QSER1: variants seen among roughly 807,000 people sequenced by gnomAD.
QSER1 encodes the protein glutamine and serine rich 1, also known as glutamine and serine-rich protein 1.
A neutral mutation model predicts 158.5 loss-of-function variants in QSER1; 49 were observed. That is an observed-to-expected ratio of 0.31 (90% CI 0.25 to 0.39). The LOEUF is 0.39. Ranked by LOEUF, QSER1 falls within the 10% of genes least tolerant of loss-of-function variation. QSER1 has a pLI of 1.00. For synonymous variants in QSER1, 650 were observed against 715.5 expected (o/e 0.91, Z 1.46); for missense variants, 1,754 against 2,010.3 (o/e 0.87, Z 2.44).
At position 32,932,327 on chromosome 11, in the gene QSER1, A is replaced by T. The variant is rs765919443; in HGVS notation, c.1069A>T (p.Thr357Ser). The change falls in exon 4 of 13, where the codon ACC (threonine) becomes TCC (serine). Residue 357 changes from threonine (T) to serine (S), a missense_variant. Physicochemically the swap from Thr to Ser is moderately conservative, Grantham distance 58. Around this residue, in one of 2 missense-constraint regions of QSER1, gnomAD observed 1,707 missense variants for 1,919.6 expected, o/e 0.89. Transcript: ENST00000650167. ...AAGTGTAGTTAATTTTCAGGAAACA[A>T]CCAGGCAGTCATCTTTATCCTGTAG... ...NSSVVNFQET[T>S]RQSSLSCSPI... 5.0e-6 allele frequency: 8 copies of T among 1,613,160 alleles called. No homozygotes were observed. Among genetic ancestry groups the T allele is most frequent in the Middle Eastern group, 1.6e-4 (1 of 6,062 alleles).
At chr11:32,954,691 A>AT (rs1442903126) in intron 5 of QSER1, among the ~76,000 whole-genome samples, 1 of 152,004 alleles carries the variant, frequency 6.6e-6, no homozygotes, top group Non-Finnish European at 1.5e-5. Flanking sequence ...CTTTTTATGT[A>AT]TTTTTTAAAA....
chr11:32,898,318 A>C (rs1013045085), intron 1 of QSER1, among the ~76,000 whole-genome samples: 4 of 152,104 alleles, frequency 2.6e-5, no homozygotes, highest in African/African-American at 4.8e-5. Flanking sequence ...CTATCTCTAC[A>C]AAAAATAAAT....
rs541109287 is a variant in QSER1 at position 32,945,457 on chromosome 11, G to C, written c.4178-8400G>C. ...GTGGTGACAAAAGCTCTCAGCATTT[G>C]CTTGTCTGTAAAGTATTTTATTTCT... On this transcript the variant is annotated intron_variant, in intron 4 of 12. Transcript: ENST00000650167. 2.9e-3 allele frequency among the ~76,000 whole-genome samples: 440 copies of C among 151,806 alleles called. 4 individuals are homozygous for C. Among genetic ancestry groups the C allele is most frequent in the African/African-American group, 9.8e-3 (408 of 41,450 alleles).
chr11:32,898,482 T>TCACACACACACA lies in QSER1; in HGVS notation c.209+5185_209+5196dup, dbSNP rs71034630. On this transcript the variant is annotated intron_variant, in intron 1 of 12. Coordinates refer to ENST00000650167, the MANE Select transcript of QSER1 (RefSeq NM_001076786.3). ...GTGTGAGCGACAGAGTGAGAACCTG[T>TCACACACACACA]CACACACACACACACACACACACAC... Among the ~76,000 whole-genome samples, 383 of 143,046 alleles carry TCACACACACACA rather than the reference T, an allele frequency of 2.7e-3. 2 individuals are homozygous for TCACACACACACA. The highest frequency in any genetic ancestry group is 3.9e-3 in the Non-Finnish European group (253 of 65,598). The allele number at this position is 143,046 out of a possible 152,430, so 93.8% of individuals were successfully genotyped here.
In QSER1 at chr11:32,935,393, T is replaced by G; in HGVS notation, c.4135T>G (p.Leu1379Val). 6.4e-7 allele frequency: 1 copy of G among 1,561,294 alleles called. No homozygotes were observed. The highest frequency in any genetic ancestry group is 2.0e-5 in the Admixed American group (1 of 49,300). ...TGCTTATAAAAGCGTCTCTACTCCC[T>G]TAACTACTTTGGATGCTACTTCTGA... is the stretch of plus-strand genomic sequence containing the variant. The part of the protein sequence containing the change: ...QDAYKSVSTP[L>V]TTLDATSDKK... Residue 1379 changes from leucine to valine, a missense_variant, in exon 4 of 13, where the codon TTA (leucine) becomes GTA (valine). Around this residue, in one of 2 missense-constraint regions of QSER1, gnomAD observed 1,707 missense variants for 1,919.6 expected, o/e 0.89. Transcript: ENST00000650167.
intron 1 of QSER1, among the ~76,000 whole-genome samples, chr11:32,915,707 T>C (rs574527428): frequency 2.0e-5 from 3 of 152,326 alleles, no homozygotes; most frequent in African/African-American, 7.2e-5. Context: ...CAGATTATTA[T>C]TGCTAAGATT....
intron 1 of QSER1, among the ~76,000 whole-genome samples, chr11:32,914,509 T>C (rs1421538274): frequency 6.6e-6 from 1 of 152,244 alleles, no homozygotes; most frequent in Non-Finnish European, 1.5e-5. Flanking sequence ...TAAGGCAAAA[T>C]CATTTATTCA....
At chr11:32,926,908 A>T (rs1057425414) in intron 1 of QSER1, 3 of 152,204 alleles carry the variant, frequency 2.0e-5, no homozygotes, top group Non-Finnish European at 2.9e-5. Flanking sequence ...TACCTCTCCC[A>T]GTAAAAAGAC....
intron 4 of QSER1, among the ~76,000 whole-genome samples, chr11:32,943,781 A>G (rs566050946): frequency 6.6e-6 from 1 of 152,156 alleles, no homozygotes; most frequent in East Asian, 1.9e-4. Flanking sequence ...CTCTTTTTCT[A>G]TTGATTGCAA....
At chr11:32,936,488 C>A (rs1282376489) in intron 4 of QSER1, among the ~76,000 whole-genome samples, 1 of 152,070 alleles carries the variant, frequency 6.6e-6, no homozygotes, top group African/African-American at 2.4e-5. Flanking sequence ...AAACAATTGG[C>A]AGTAAGTATG....
At chr11:32,976,145 G>A (rs1330435129) in intron 12 of QSER1, among the ~76,000 whole-genome samples, 189 bp from the exon 13 acceptor site, 2 of 152,178 alleles carry the variant, frequency 1.3e-5, no homozygotes, top group Non-Finnish European at 2.9e-5. Context: ...AAAGTCTGAA[G>A]TACTTTTTCT....
intron 5 of QSER1, 48 bp downstream of exon 5, chr11:32,954,227 C>T: frequency 1.3e-6 from 2 of 1,556,822 alleles, no homozygotes; most frequent in African/African-American, 1.4e-5. Flanking sequence ...AGTTAGTGTG[C>T]CTGCGATAGC....
chr11:32,945,931 C>T (rs1328012940), intron 4 of QSER1, among the ~76,000 whole-genome samples: 7 of 150,752 alleles, frequency 4.6e-5, no homozygotes, highest in South Asian at 4.2e-4. Flanking sequence ...AGGCTTTGCT[C>T]GTTTCTTTTT....
At chr11:32,914,573 T>G (rs1851809611) in intron 1 of QSER1, among the ~76,000 whole-genome samples, 1 of 152,250 alleles carries the variant, frequency 6.6e-6, no homozygotes, top group African/African-American at 2.4e-5. Context: ...TTCTCAGATT[T>G]AACATATTTC....
chr11:32,894,651 A>G (rs1254929240), intron 1 of QSER1, among the ~76,000 whole-genome samples: 4 of 152,250 alleles, frequency 2.6e-5, no homozygotes, highest in African/African-American at 9.6e-5. Flanking sequence ...TTGTGAAAGA[A>G]TGAGAAAAAT....
chr11:32,925,534 A>ATTTG (rs1189163918), intron 1 of QSER1, among the ~76,000 whole-genome samples: 1 of 137,152 alleles, frequency 7.3e-6, no homozygotes, highest in Non-Finnish European at 1.6e-5. Flanking sequence ...TTATTTATTT[A>ATTTG]TTTATTTTTT....
chr11:32,936,674 G>A (rs1024127801), intron 4 of QSER1, among the ~76,000 whole-genome samples: 3 of 152,162 alleles, frequency 2.0e-5, no homozygotes, highest in African/African-American at 7.2e-5. Flanking sequence ...TCTAGTAAGT[G>A]ACAGAGCTGG....
chr11:32,967,919 T>C (rs1043639407), intron 9 of QSER1, among the ~76,000 whole-genome samples: 1 of 152,160 alleles, frequency 6.6e-6, no homozygotes, highest in Admixed American at 6.5e-5. Context: ...TCAAAAGAGA[T>C]TAAAGTTAAA....
chr11:32,918,163 C>T (rs899756110), intron 1 of QSER1, among the ~76,000 whole-genome samples: 2 of 152,044 alleles, frequency 1.3e-5, no homozygotes, highest in Non-Finnish European at 2.9e-5. Context: ...CGAAACTGTA[C>T]ATGGGTTGTA....
Sources: gnomAD v4.1 joint callset for allele counts (sites outside exome capture counted in the v4.1 genomes callset) on GRCh38, gnomAD v4.1.1 for gene constraint, gnomAD v4.1.1 regional missense constraint, MANE v1.5 for transcripts, NCBI Gene and HGNC (gene_info 2026-07-23, HGNC 2026-07-21) for gene names.